The following CACNG2 variants were observed in gnomAD, a reference collection of about 807,000 sequenced individuals.
The protein encoded by CACNG2 is voltage-dependent calcium channel gamma-2 subunit.
A neutral mutation model predicts 25.9 loss-of-function variants in CACNG2; 3 were observed. That is an observed-to-expected ratio of 0.12 (90% CI 0.05 to 0.30). The LOEUF (loss-of-function observed/expected upper bound fraction) is 0.30, where lower values mean the gene tolerates loss of function less well. CACNG2 is among the 10% of genes least tolerant of loss of function. The pLI is 1.00. For missense variants in CACNG2, 341 were observed against 432.5 expected (o/e 0.79, Z 1.88); for synonymous variants, 167 against 173.3 (o/e 0.96, Z 0.29).
At chr22:36,624,752 G>A (rs551271381) in intron 1 of CACNG2, among the ~76,000 whole-genome samples, 3 of 152,100 alleles carry the variant, frequency 2.0e-5, no homozygotes, top group East Asian at 1.9e-4. Flanking sequence ...AGATTAGGCC[G>A]GGCCCGGTGG....
chr22:36,576,287 A>G (rs1935311343), intron 2 of CACNG2, among the ~76,000 whole-genome samples: 1 of 152,186 alleles, frequency 6.6e-6, no homozygotes, highest in African/African-American at 2.4e-5. Context: ...TGGAAAACCA[A>G]ACATTATATG....
rs1343720047 is a variant in CACNG2, at chr22:36,564,081, T to C, written c.*270A>G. 1 of 321,208 alleles carries C rather than the reference T, an allele frequency of 3.1e-6. No individual in the cohort carries two copies. The allele number at this position is 321,208 out of a possible 1,614,324, so 19.9% of individuals were successfully genotyped here. A position where few individuals can be genotyped will look rare whatever the true frequency, so the allele number is the denominator to read the frequency against. ...CCCTCTCGCTTTTTTTTAAAGTTTG[T>C]TTTCTTCCCTCGTTTATATTTTCCC... On this transcript the variant is annotated 3_prime_UTR_variant, in exon 4 of 4. Coordinates refer to ENST00000300105, the MANE Select transcript of CACNG2 (RefSeq NM_006078.5). This position sits in a 1 kb window ranked among gnomAD's most constrained non-coding sequence, Gnocchi z 6.7.
At chr22:36,591,185 C>T (rs909456919) in intron 1 of CACNG2, among the ~76,000 whole-genome samples, 16 of 152,078 alleles carry the variant, frequency 1.1e-4, no homozygotes, top group African/African-American at 3.4e-4. Context: ...TACAGGCGCC[C>T]GCCACTACGC....
At chr22:36,662,863 C>G (rs1378144450) in intron 1 of CACNG2, among the ~76,000 whole-genome samples, 1 of 152,094 alleles carries the variant, frequency 6.6e-6, no homozygotes, top group African/African-American at 2.4e-5. Context: ...TCAGATGAGT[C>G]CTTTTTAGCT....
At chr22:36,644,418 G>T (rs994193139) in intron 1 of CACNG2, among the ~76,000 whole-genome samples, 1 of 152,184 alleles carries the variant, frequency 6.6e-6, no homozygotes, top group Non-Finnish European at 1.5e-5. Flanking sequence ...GCCAGTAGTT[G>T]GAAGATGCTC....
At chr22:36,627,012 G>A (rs1383097775) in intron 1 of CACNG2, among the ~76,000 whole-genome samples, 2 of 152,256 alleles carry the variant, frequency 1.3e-5, no homozygotes, top group Non-Finnish European at 2.9e-5. Flanking sequence ...CACACAGATA[G>A]GAAGTGACAG....
At position 36,564,494 on chromosome 22, in the gene CACNG2, G is replaced by C. The variant is rs1261060234; in HGVS notation, c.829C>G (p.Pro277Ala). The change falls in exon 4 of 4, where the codon CCC becomes GCC. Residue 277 changes from proline (P) to alanine (A), a missense_variant. Coordinates refer to ENST00000300105, the MANE Select transcript of CACNG2 (RefSeq NM_006078.5). This position sits in a 1 kb window ranked among gnomAD's most constrained non-coding sequence, Gnocchi z 6.7. ...EISMYTLSRD[P>A]LKAATTPTAT... Reference sequence around the variant, plus strand: ...GTGGGCGTGGTGGCGGCCTTCAGGGGGTCCCTGCTGAGCGTGTACATGGAG... The same window carrying C: ...GTGGGCGTGGTGGCGGCCTTCAGGGCGTCCCTGCTGAGCGTGTACATGGAG... The C allele has an allele frequency of 6.2e-7, 1 of 1,614,104 alleles. No individual in the cohort carries two copies. Among genetic ancestry groups the C allele is most frequent in the African/African-American group, 1.3e-5 (1 of 75,040 alleles).
chr22:36,605,320 C>A (rs1189698476), intron 1 of CACNG2, among the ~76,000 whole-genome samples: 1 of 152,168 alleles, frequency 6.6e-6, no homozygotes, highest in Non-Finnish European at 1.5e-5. Flanking sequence ...AGTGATTCAC[C>A]CACCTTGGCC....
chr22:36,599,930 G>T (rs114918847), intron 1 of CACNG2, among the ~76,000 whole-genome samples: 1 of 152,230 alleles, frequency 6.6e-6, no homozygotes, highest in Admixed American at 6.5e-5. Context: ...TCCCAGCCTC[G>T]CTTGCAGCTG....
At chr22:36,600,651 A>AT (rs1935742449) in intron 1 of CACNG2, among the ~76,000 whole-genome samples, 1 of 151,138 alleles carries the variant, frequency 6.6e-6, no homozygotes, top group Non-Finnish European at 1.5e-5. Flanking sequence ...AGTTCAAGCG[A>AT]TTCTTGTGCC....
intron 1 of CACNG2, among the ~76,000 whole-genome samples, chr22:36,654,167 A>G (rs776148537): frequency 1.3e-5 from 2 of 152,086 alleles, no homozygotes; most frequent in Non-Finnish European, 2.9e-5. Flanking sequence ...CAAGAGAGCC[A>G]ATCTTTCTCT....
intron 1 of CACNG2, among the ~76,000 whole-genome samples, chr22:36,607,588 A>G (rs934204106): frequency 6.6e-6 from 1 of 152,156 alleles, no homozygotes; most frequent in Admixed American, 6.5e-5. Context: ...GTTTTGTGGC[A>G]TAGAGTCAAG....
intron 1 of CACNG2, among the ~76,000 whole-genome samples, chr22:36,626,386 C>G (rs572055288): frequency 2.6e-5 from 4 of 152,296 alleles, no homozygotes; most frequent in African/African-American, 9.6e-5. Context: ...TTCTTGACTA[C>G]TTCTTTTTTT....
rs58015913 is a variant in CACNG2, at chr22:36,627,279, CGTGTGTGTGTGTGT to C, written c.212-39745_212-39732del. On this transcript the variant is annotated intron_variant, in intron 1 of 3. Coordinates refer to ENST00000300105, the MANE Select transcript of CACNG2 (RefSeq NM_006078.5). ...AGTGGGAAGTGGATGAGAGTGGGGACGTGTGTGTGTGTGTGTGTGTGTGTGTGTGTGTGTGTGTG... is the reference window on the plus strand; with the variant it reads ...AGTGGGAAGTGGATGAGAGTGGGGACGTGTGTGTGTGTGTGTGTGTGTGTG... 3.8e-4 allele frequency among the ~76,000 whole-genome samples: 50 copies of C among 131,228 alleles called. No individual in the cohort carries two copies. In the South Asian group the frequency reaches 7.7e-3, roughly 20 times the overall value. The allele number at this position is 131,228 out of a possible 152,430, so 86.1% of individuals were successfully genotyped here.
intron 1 of CACNG2, among the ~76,000 whole-genome samples, chr22:36,657,941 G>A (rs1038624306): frequency 3.3e-5 from 5 of 152,146 alleles, no homozygotes; most frequent in African/African-American, 1.2e-4. Context: ...GTCTGAGGCT[G>A]TAGAGAGGCT....
At chr22:36,624,941 T>C (rs1008251963) in intron 1 of CACNG2, among the ~76,000 whole-genome samples, 3 of 145,334 alleles carry the variant, frequency 2.1e-5, no homozygotes, top group Non-Finnish European at 4.5e-5. Context: ...GGTAGGAGAA[T>C]CGCTCGAACC....
intron 1 of CACNG2, among the ~76,000 whole-genome samples, chr22:36,634,103 G>A (rs2145960659): frequency 6.6e-6 from 1 of 152,302 alleles, no homozygotes; most frequent in Non-Finnish European, 1.5e-5. Context: ...GTGACGTCAG[G>A]TAAGTTACTT....
At position 36,660,430 on chromosome 22, in the gene CACNG2, G is replaced by A. The variant is rs529595786; in HGVS notation, c.211+41936C>T. On this transcript the variant is annotated intron_variant, in intron 1 of 3. Coordinates refer to ENST00000300105, the MANE Select transcript of CACNG2 (RefSeq NM_006078.5). Reference sequence around the variant, plus strand: ...ATTTCAGCATTGTTTTCCTTCCGATGCTGCTTTCGATTGCTGGTTTTATTC... The same window carrying A: ...ATTTCAGCATTGTTTTCCTTCCGATACTGCTTTCGATTGCTGGTTTTATTC... Among the ~76,000 whole-genome samples, 3 of 152,388 alleles carry A rather than the reference G, an allele frequency of 2.0e-5. No homozygotes were observed. The East Asian group carries it at 5.8e-4, about 29-fold the overall frequency.
At chr22:36,595,063 G>C (rs1474689352) in intron 1 of CACNG2, among the ~76,000 whole-genome samples, 1 of 150,684 alleles carries the variant, frequency 6.6e-6, no homozygotes. Context: ...ATGTGTCTTT[G>C]TGTGTGTCTC....
Sources: gnomAD v4.1 joint callset for allele counts (sites outside exome capture counted in the v4.1 genomes callset) on GRCh38, gnomAD v4.1.1 for gene constraint, Gnocchi (gnomAD v3.1) non-coding constraint, MANE v1.5 for transcripts, NCBI Gene and HGNC (gene_info 2026-07-23, HGNC 2026-07-21) for gene names.